The following GSAP variants were observed in gnomAD, a reference collection of about 807,000 sequenced individuals.
GSAP encodes gamma-secretase-activating protein.
In GSAP, 118 loss-of-function variants were observed where a neutral mutation model predicts 131.7. The ratio of observed to expected loss-of-function variants is 0.90; its 90% CI spans 0.77 to 1.04. The LOEUF is 1.04. Ranked by LOEUF, GSAP falls within the 50% of genes least tolerant of loss-of-function variation. The pLI, the probability that GSAP is intolerant of heterozygous loss-of-function variation, is 0.00. For synonymous variants in GSAP, 381 were observed against 363.4 expected (o/e 1.05, Z -0.55); for missense variants, 1,019 against 1,013.2 (o/e 1.01, Z -0.08).
At chr7:77,342,872 C>T (rs1185405535) in intron 19 of GSAP, among the ~76,000 whole-genome samples, 3 of 152,186 alleles carry the variant, frequency 2.0e-5, no homozygotes, top group Non-Finnish European at 2.9e-5. Flanking sequence ...ATCCACCCCA[C>T]AGTGCCAAAC....
chr7:77,384,569 T>C (rs754400697), intron 6 of GSAP, among the ~76,000 whole-genome samples: 3 of 152,128 alleles, frequency 2.0e-5, no homozygotes. Flanking sequence ...TTTGGAGGTC[T>C]GTAGTCTCGG....
chr7:77,332,202 A>G lies in GSAP; in HGVS notation c.1546-1835T>C, dbSNP rs561924674. Among the ~76,000 whole-genome samples, 7 of 152,318 alleles carry G rather than the reference A, an allele frequency of 4.6e-5. No individual in the cohort carries two copies. The East Asian group carries it at 1.3e-3, about 29-fold the overall frequency. Reference sequence around the variant, plus strand: ...GCCCCATCCCCTCAAGTCAAATGCTATCCTGTTGTTAGAAGTCCCCACTCA... The same window carrying G: ...GCCCCATCCCCTCAAGTCAAATGCTGTCCTGTTGTTAGAAGTCCCCACTCA... On this transcript the variant is annotated intron_variant, in intron 19 of 30. Transcript: ENST00000257626.
chr7:77,311,770 G>T, intron 30 of GSAP, 71 bp downstream of exon 30: 1 of 781,960 alleles, frequency 1.3e-6, no homozygotes, highest in South Asian at 1.5e-5. Context: ...AGAAGACAAA[G>T]AAGTGAATAG....
At chr7:77,326,155 C>T (rs1471148870) in intron 23 of GSAP, 57 bp downstream of exon 23, 3 of 1,079,378 alleles carry the variant, frequency 2.8e-6, no homozygotes, top group Non-Finnish European at 4.2e-6. Context: ...GTAATCCTTT[C>T]CCCTTGTCTT....
intron 5 of GSAP, among the ~76,000 whole-genome samples, chr7:77,389,302 TA>T (rs1274790417): frequency 3.3e-5 from 5 of 150,278 alleles, no homozygotes; most frequent in African/African-American, 7.5e-5. Flanking sequence ...TATATATATA[TA>T]TTTTTTGTTT....
Position 77,312,103 on chromosome 7 carries a change from GTTTC to G in GSAP, c.2367_2370del (p.Lys789AsnfsTer7), listed in dbSNP as rs1438568933. 24 of 1,580,202 alleles carry G rather than the reference GTTTC, an allele frequency of 1.5e-5. No individual in the cohort carries two copies. Among genetic ancestry groups the G allele is most frequent in the Non-Finnish European group, 1.9e-5 (22 of 1,159,566 alleles). On this transcript the variant is annotated frameshift_variant, in exon 29 of 31. Transcript: ENST00000257626. LOFTEE classifies it high-confidence loss of function. ...GCTGTGCTTTCAGAGAAACTCACCT[GTTTC>G]TTATAGTTCTGAAGCAGTCGCGTCA...
intron 12 of GSAP, among the ~76,000 whole-genome samples, chr7:77,372,674 C>T (rs1265851623): frequency 5.3e-5 from 8 of 152,134 alleles, no homozygotes; most frequent in Non-Finnish European, 1.2e-4. Context: ...AAAAGGTAAA[C>T]GGATGTTCAT....
intron 19 of GSAP, among the ~76,000 whole-genome samples, chr7:77,341,075 T>C (rs955738948): frequency 6.6e-6 from 1 of 152,182 alleles, no homozygotes; most frequent in Non-Finnish European, 1.5e-5. Flanking sequence ...TGGTTCTAAA[T>C]AGCCAGAAAA....
chr7:77,349,203 T>G lies in GSAP; in HGVS notation c.1545+148A>C, dbSNP rs79012572. 3.5e-3 allele frequency: 2,225 copies of G among 639,594 alleles called. 37 individuals carry two copies. The African/African-American group carries it at 0.036, about 10-fold the overall frequency. 39.6% of individuals were successfully genotyped at this position (639,594 alleles called of 1,614,324 possible). Reference sequence around the variant, plus strand: ...CATACTCAGTGATCACTCACCCATGTAGGAAGGATTCTCCAGAAAACCCAC... The same window carrying G: ...CATACTCAGTGATCACTCACCCATGGAGGAAGGATTCTCCAGAAAACCCAC... On this transcript the variant is annotated intron_variant, in intron 19 of 30. Transcript: ENST00000257626.
intron 14 of GSAP, among the ~76,000 whole-genome samples, chr7:77,357,750 C>T (rs1314939961): frequency 6.6e-6 from 1 of 152,190 alleles, no homozygotes; most frequent in Non-Finnish European, 1.5e-5. Flanking sequence ...AGGGAGGACG[C>T]AAGGAACAAA....
intron 19 of GSAP, among the ~76,000 whole-genome samples, chr7:77,336,647 C>A (rs1790022350): frequency 6.6e-6 from 1 of 152,144 alleles, no homozygotes; most frequent in South Asian, 2.1e-4. Context: ...TGCCACCATG[C>A]CCAGCTAATT....
chr7:77,408,724 A>G (rs1283973261), intron 1 of GSAP, among the ~76,000 whole-genome samples: 1 of 150,984 alleles, frequency 6.6e-6, no homozygotes, highest in African/African-American at 2.4e-5. Flanking sequence ...GAAAAGATAA[A>G]TTGCTTAAAT....
At chr7:77,344,157 G>A (rs989219947) in intron 19 of GSAP, among the ~76,000 whole-genome samples, 6 of 152,028 alleles carry the variant, frequency 3.9e-5, no homozygotes, top group African/African-American at 9.7e-5. Flanking sequence ...ATAATTCCTC[G>A]GTTTGGCCTT....
chr7:77,398,915 G>A lies in GSAP; in HGVS notation c.244-1500C>T, dbSNP rs1194445172. Among the ~76,000 whole-genome samples the A allele has an allele frequency of 2.6e-5, 4 of 152,246 alleles. No homozygotes were observed. In the East Asian group the frequency reaches 7.7e-4, roughly 29 times the overall value. ...TGCAAGTTTTTTAAAAACATAAATG[G>A]AATGTATTATTCTGACAACTTGCTT... On this transcript the variant is annotated intron_variant, in intron 3 of 30. Transcript: ENST00000257626.
Position 77,404,617 on chromosome 7 carries a change from T to C in GSAP, c.187-2A>G. ...AAAGACGACATTTCCCTTATCATCC[T>C]AAAAAAAATTAACCAGATGTTTATT... On this transcript the variant is annotated splice_acceptor_variant, in intron 2 of 30. Transcript: ENST00000257626. LOFTEE classifies it high-confidence loss of function. 1 of 1,494,234 alleles carries C rather than the reference T, an allele frequency of 6.7e-7. No homozygotes were observed. The highest frequency in any genetic ancestry group is 9.3e-7 in the Non-Finnish European group (1 of 1,075,326). 92.6% of individuals were successfully genotyped at this position (1,494,234 alleles called of 1,614,324 possible). A position where few individuals can be genotyped will look rare whatever the true frequency, so the allele number is the denominator to read the frequency against.
At chr7:77,324,342 T>C (rs936848589) in intron 23 of GSAP, among the ~76,000 whole-genome samples, 3 of 152,186 alleles carry the variant, frequency 2.0e-5, no homozygotes, top group Non-Finnish European at 4.4e-5. Flanking sequence ...GCCTCCCCAC[T>C]TCCCCAACCA....
intron 19 of GSAP, among the ~76,000 whole-genome samples, chr7:77,346,453 A>T: frequency 6.6e-6 from 1 of 151,312 alleles, no homozygotes; most frequent in African/African-American, 2.4e-5. Flanking sequence ...TAATACCAAC[A>T]CTTTGGGAGG....
Position 77,320,731 on chromosome 7 carries a change from G to A in GSAP, c.2083C>T (p.Pro695Ser), listed in dbSNP as rs1215402391. ...CAAAAGAGCCAACACTTACCAGGAGGCAGAGGTAAAAACAAACTGTTTGTA... is the reference window on the plus strand; with the variant it reads ...CAAAAGAGCCAACACTTACCAGGAGACAGAGGTAAAAACAAACTGTTTGTA... ...EATNSLFLPL[P>S]PGFHTLHTIL... Residue 695 changes from proline to serine, a missense_variant, in exon 26 of 31, where the codon CCT becomes TCT. Physicochemically the swap from Pro to Ser is moderately conservative, Grantham distance 74. Coordinates refer to ENST00000257626, the MANE Select transcript of GSAP (RefSeq NM_017439.4). 8 of 1,582,504 alleles carry A rather than the reference G, an allele frequency of 5.1e-6. No individual in the cohort carries two copies. Among genetic ancestry groups the A allele is most frequent in the Non-Finnish European group, 6.9e-6 (8 of 1,151,418 alleles).
intron 18 of GSAP, among the ~76,000 whole-genome samples, chr7:77,349,659 C>G (rs1792474410): frequency 6.7e-6 from 1 of 149,772 alleles, no homozygotes; most frequent in Non-Finnish European, 1.5e-5. Flanking sequence ...AAGACTATTA[C>G]AAAGAAATAG....
Sources: allele counts gnomAD v4.1 joint callset (sites outside exome capture counted in the v4.1 genomes callset), GRCh38; gene constraint gnomAD v4.1.1; transcripts MANE v1.5; gene names NCBI Gene and HGNC (gene_info 2026-07-23, HGNC 2026-07-21).